The following PCDHA5 variants were observed in gnomAD, a reference collection of about 807,000 sequenced individuals.
PCDHA5 encodes protocadherin alpha 5, also known as protocadherin alpha-5.
Under a neutral mutation model 61.6 loss-of-function variants are expected in PCDHA5, and 43 were observed. That is an observed-to-expected ratio of 0.70 (90% CI 0.55 to 0.90). PCDHA5 has a LOEUF of 0.90. PCDHA5 is among the 40% of genes least tolerant of loss of function. The pLI is 0.00. For synonymous variants in PCDHA5, 627 were observed against 543.9 expected (o/e 1.15, Z -2.13); for missense variants, 1,298 against 1,222.7 (o/e 1.06, Z -0.92).
rs782597550 is a variant in PCDHA5 at position 140,934,018 on chromosome 5, TG to T, written c.2353-44929del. ...ACCTCTCATTTTTCTTGACTAGACTTGGAAGTAGTTTATTAATGATATTAGT... is the reference window on the plus strand; with the variant it reads ...ACCTCTCATTTTTCTTGACTAGACTTGAAGTAGTTTATTAATGATATTAGT... On this transcript the variant is annotated intron_variant, in intron 1 of 3. Coordinates refer to ENST00000529859, the MANE Select transcript of PCDHA5 (RefSeq NM_018908.3). Among the ~76,000 whole-genome samples the T allele has an allele frequency of 2.6e-4, 40 of 152,182 alleles. 1 individual carries two copies. The highest frequency in any genetic ancestry group is 3.4e-3 in the Middle Eastern group (1 of 294).
intron 1 of PCDHA5, chr5:140,842,858 G>A (rs2150346522): frequency 1.3e-6 from 2 of 1,594,076 alleles, no homozygotes; most frequent in South Asian, 2.2e-5. Context: ...GGTGCACACG[G>A]AGAGCGGCAA....
At chr5:140,884,046 A>T in intron 1 of PCDHA5, 1 of 1,613,474 alleles carries the variant, frequency 6.2e-7, no homozygotes, top group Non-Finnish European at 8.5e-7. Flanking sequence ...GTGGTGGCGA[A>T]GGTGCGCGCG....
intron 1 of PCDHA5, chr5:140,829,900 C>T (rs2150177291): frequency 1.9e-6 from 3 of 1,613,996 alleles, no homozygotes; most frequent in Admixed American, 3.3e-5. Flanking sequence ...ACTCAGGCTA[C>T]AACGCGTGGC....
At chr5:140,933,253 A>G (rs958671776) in intron 1 of PCDHA5, among the ~76,000 whole-genome samples, 2 of 152,008 alleles carry the variant, frequency 1.3e-5, no homozygotes, top group Non-Finnish European at 2.9e-5. Context: ...TATAAACACA[A>G]AAGGTTATTA....
intron 1 of PCDHA5, chr5:140,830,029 G>T (rs2150179968): frequency 8.7e-6 from 14 of 1,613,908 alleles, no homozygotes; most frequent in Admixed American, 8.3e-5. Flanking sequence ...CGCGCCACCG[G>T]CTGCTGGTGC....
chr5:140,850,943 T>G lies in PCDHA5; in HGVS notation c.2352+26816T>G, dbSNP rs2150503194. On this transcript the variant is annotated intron_variant, in intron 1 of 3. Coordinates refer to ENST00000529859, the MANE Select transcript of PCDHA5 (RefSeq NM_018908.3). The stretch of plus-strand genomic sequence containing the variant: ...ATATAATTTTTTTTCTTGAAAGATA[T>G]TATCGATTACTCCCAGGGGCCGTTC... 7.3e-6 allele frequency: 11 copies of G among 1,506,780 alleles called. 2 individuals are homozygous for G. Among genetic ancestry groups the G allele is most frequent in the Non-Finnish European group, 8.9e-6 (10 of 1,121,750 alleles). The allele number at this position is 1,506,780 out of a possible 1,614,324, so 93.3% of individuals were successfully genotyped here.
At chr5:140,856,346 GAGTGC>G in intron 1 of PCDHA5, 1 of 1,598,632 alleles carries the variant, frequency 6.3e-7, no homozygotes, top group South Asian at 1.1e-5. Context: ...GCGGAGCGTG[GAGTGC>G]AGCATCCACC....
rs1562723002 is a variant in PCDHA5, at chr5:140,876,958, G to C, written c.2352+52831G>C. 3 of 1,613,288 alleles carry C rather than the reference G, an allele frequency of 1.9e-6. No individual in the cohort carries two copies. The East Asian group carries it at 6.7e-5, about 36-fold the overall frequency. On this transcript the variant is annotated intron_variant, in intron 1 of 3. Transcript: ENST00000529859. ...CGCGCTGGTGTCCTACTCGCTGGTG[G>C]AGCGGCGGGTGGGCGAGCACGCACT...
At chr5:140,890,700 A>T (rs1265643590) in intron 1 of PCDHA5, among the ~76,000 whole-genome samples, 1 of 152,214 alleles carries the variant, frequency 6.6e-6, no homozygotes, top group East Asian at 1.9e-4. Context: ...CAGGGACCTT[A>T]CATTTTTAAA....
chr5:140,908,351 AACTT>A (rs1422870011), intron 1 of PCDHA5, among the ~76,000 whole-genome samples: 5 of 152,154 alleles, frequency 3.3e-5, no homozygotes, highest in African/African-American at 1.2e-4. Context: ...TACCTCATGT[AACTT>A]ACTTGTGCCT....
Position 141,010,924 on chromosome 5 carries a change from T to G in PCDHA5, c.*987T>G, listed in dbSNP as rs1016736721. 1 of 153,778 alleles carries G rather than the reference T, an allele frequency of 6.5e-6. No homozygotes were observed. Among genetic ancestry groups the G allele is most frequent in the Non-Finnish European group, 1.5e-5 (1 of 68,046 alleles). 9.5% of individuals were successfully genotyped at this position (153,778 alleles called of 1,614,324 possible). A position where few individuals can be genotyped will look rare whatever the true frequency, so the allele number is the denominator to read the frequency against. Reference sequence around the variant, plus strand: ...CCCCTAAACTCTCCTCAAAAGAGAATTCAGTCTACAGCCATTTAAATGATC... The same window carrying G: ...CCCCTAAACTCTCCTCAAAAGAGAAGTCAGTCTACAGCCATTTAAATGATC... On this transcript the variant is annotated 3_prime_UTR_variant, in exon 4 of 4. Transcript: ENST00000529859.
chr5:140,868,265 T>G (rs182913735), intron 1 of PCDHA5: 1 of 152,250 alleles, frequency 6.6e-6, no homozygotes, highest in African/African-American at 2.4e-5. Flanking sequence ...GTGGATTCTT[T>G]TTTAAAACTA....
chr5:140,844,476 CTA>C (rs2150371659), intron 1 of PCDHA5, among the ~76,000 whole-genome samples: 3,169 of 149,252 alleles, frequency 0.021, 219 homozygotes, highest in African/African-American at 0.04. Context: ...TTTTGAGCCT[CTA>C]TGTTTAGGAA....
chr5:140,973,178 G>A (rs188308697), intron 1 of PCDHA5, among the ~76,000 whole-genome samples: 1 of 152,282 alleles, frequency 6.6e-6, no homozygotes, highest in Admixed American at 6.5e-5. Flanking sequence ...CAAACCTTCA[G>A]TTATTTCTGC....
chr5:140,914,185 C>G (rs1183431482), intron 1 of PCDHA5, among the ~76,000 whole-genome samples: 1 of 152,130 alleles, frequency 6.6e-6, no homozygotes, highest in Non-Finnish European at 1.5e-5. Flanking sequence ...AATTCTCCAC[C>G]TATTATTGTA....
intron 1 of PCDHA5, chr5:140,876,947 A>C: frequency 6.2e-7 from 1 of 1,613,496 alleles, no homozygotes; most frequent in Non-Finnish European, 8.5e-7. Flanking sequence ...CTGGTGTCCT[A>C]CTCGCTGGTG....
At chr5:140,829,564 C>T (rs2150170116) in intron 1 of PCDHA5, 39 of 1,612,548 alleles carry the variant, frequency 2.4e-5, no homozygotes, top group Non-Finnish European at 8.5e-6. Context: ...CGCTGGTGTC[C>T]TACTCGCTGG....
At chr5:140,966,663 A>C in intron 1 of PCDHA5, 1 of 1,237,556 alleles carries the variant, frequency 8.1e-7, no homozygotes, top group East Asian at 3.0e-5. Context: ...GTGGGGGAGC[A>C]GGCGCAGGGT....
chr5:140,874,359 G>T (rs1456899858), intron 1 of PCDHA5, among the ~76,000 whole-genome samples: 1 of 152,176 alleles, frequency 6.6e-6, no homozygotes, highest in East Asian at 1.9e-4. Context: ...TTGAATTAAT[G>T]AATAAACTCA....
Sources: gnomAD v4.1 joint callset for allele counts (sites outside exome capture counted in the v4.1 genomes callset) on GRCh38, gnomAD v4.1.1 for gene constraint, MANE v1.5 for transcripts, NCBI Gene and HGNC (gene_info 2026-07-23, HGNC 2026-07-21) for gene names.